PDE1C: variants seen among roughly 807,000 people sequenced by gnomAD.
PDE1C encodes dual specificity calcium/calmodulin-dependent 3',5'-cyclic nucleotide phosphodiesterase 1C.
Under a neutral mutation model 93.1 loss-of-function variants are expected in PDE1C, and 62 were observed. That is an observed-to-expected ratio of 0.67 (90% CI 0.54 to 0.82). The LOEUF is 0.82. Ranked by LOEUF, PDE1C falls within the 40% of genes least tolerant of loss-of-function variation. The pLI is 0.00. For synonymous variants in PDE1C, 325 were observed against 310.1 expected (o/e 1.05, Z -0.50); for missense variants, 742 against 884.6 (o/e 0.84, Z 2.04).
At chr7:32,121,619 T>A (rs1007361575) in intron 3 of PDE1C, among the ~76,000 whole-genome samples, 1 of 152,148 alleles carries the variant, frequency 6.6e-6, no homozygotes, top group Non-Finnish European at 1.5e-5. Context: ...CAGAGTTTCA[T>A]GTCCAGCCAA....
intron 2 of PDE1C, among the ~76,000 whole-genome samples, chr7:31,967,208 G>T (rs549538191): frequency 6.6e-6 from 1 of 152,074 alleles, no homozygotes; most frequent in Non-Finnish European, 1.5e-5. Flanking sequence ...TTGATAGACC[G>T]CTAGCAAGAC....
At chr7:32,076,652 A>C (rs1204867706) in intron 3 of PDE1C, among the ~76,000 whole-genome samples, 1 of 129,708 alleles carries the variant, frequency 7.7e-6, no homozygotes, top group Non-Finnish European at 1.7e-5. Flanking sequence ...CAAAAAAAAA[A>C]AAAAAGAAAA....
the PDE1C span, chr7:31,651,968 G>C: frequency 3.1e-6 from 5 of 1,603,214 alleles, no homozygotes; most frequent in Non-Finnish European, 4.3e-6. Flanking sequence ...CAAACGTTAC[G>C]TGAGGCCCTG....
chr7:32,219,190 G>A (rs1336913976), intron 1 of PDE1C, among the ~76,000 whole-genome samples: 1 of 152,122 alleles, frequency 6.6e-6, no homozygotes, highest in East Asian at 1.9e-4. Flanking sequence ...GGTCCTTTGT[G>A]GCCTGGAGTG....
At chr7:32,316,349 C>T (rs537583202) in intron 1 of PDE1C, among the ~76,000 whole-genome samples, 7 of 152,272 alleles carry the variant, frequency 4.6e-5, no homozygotes, top group African/African-American at 7.2e-5. Context: ...TAAACAAGAA[C>T]GCACATCTGC....
the PDE1C span, among the ~76,000 whole-genome samples, chr7:31,709,279 G>A: frequency 6.6e-6 from 1 of 152,172 alleles, no homozygotes; most frequent in Non-Finnish European, 1.5e-5. Context: ...TCAACTATGT[G>A]ATGCCAAGCA....
At chr7:32,421,551 A>G (rs1358099632) in intron 1 of PDE1C, among the ~76,000 whole-genome samples, 2 of 152,230 alleles carry the variant, frequency 1.3e-5, no homozygotes, top group Non-Finnish European at 2.9e-5. Flanking sequence ...GCTCAGAGAA[A>G]TTAGTGCCTA....
chr7:32,165,650 G>T (rs1299084240), intron 3 of PDE1C, among the ~76,000 whole-genome samples: 1 of 151,988 alleles, frequency 6.6e-6, no homozygotes, highest in Non-Finnish European at 1.5e-5. Flanking sequence ...CAGCATGGGG[G>T]AAATGCCCCC....
At chr7:31,877,898 A>G (rs1796786745) in intron 5 of PDE1C, 72 bp downstream of exon 5, 1 of 965,736 alleles carries the variant, frequency 1.0e-6, no homozygotes, top group Non-Finnish European at 1.6e-6. Flanking sequence ...AAAGCCTCTT[A>G]TTTTCTAACA....
chr7:32,070,780 T>C (rs1795963101), upstream of PDE1C: 2 of 1,009,016 alleles, frequency 2.0e-6, no homozygotes, highest in Non-Finnish European at 2.4e-6. Context: ...GCTAAAGGGT[T>C]TGGAGGTGAA....
chr7:32,179,831 G>A (rs1430874877), intron 2 of PDE1C, among the ~76,000 whole-genome samples: 2 of 152,156 alleles, frequency 1.3e-5, no homozygotes, highest in Admixed American at 1.3e-4. Context: ...AATACTCAAA[G>A]ATTATGCTGG....
chr7:31,742,681 T>C, the PDE1C span, among the ~76,000 whole-genome samples: 1 of 152,182 alleles, frequency 6.6e-6, no homozygotes, highest in Non-Finnish European at 1.5e-5. Flanking sequence ...AAAGTCATGA[T>C]AAATATAGTT....
Position 31,815,920 on chromosome 7 carries a change from T to A in PDE1C, c.1813+4A>T. 6.3e-7 allele frequency: 1 copy of A among 1,593,864 alleles called. No homozygotes were observed. The highest frequency in any genetic ancestry group is 8.6e-7 in the Non-Finnish European group (1 of 1,161,508). ...GAGCCCTTCACCAGTGTAAGTCTAC[T>A]CACCATTCTGTTGCTGTTCTCCTGA... On this transcript the variant is annotated splice_donor_region_variant and intron_variant, in intron 15 of 17. Transcript: ENST00000396191.
chr7:31,694,762 G>T, the PDE1C span, among the ~76,000 whole-genome samples: 1 of 152,058 alleles, frequency 6.6e-6, no homozygotes, highest in Admixed American at 6.5e-5. Context: ...GAATGGGCAG[G>T]GCGTGATCAG....
the PDE1C span, among the ~76,000 whole-genome samples, chr7:31,645,139 A>G: frequency 3.3e-5 from 5 of 152,214 alleles, no homozygotes; most frequent in African/African-American, 1.2e-4. Context: ...TTCAGATTCA[A>G]TTTGGGTAAC....
At chr7:32,322,487 C>A (rs1441556362) in intron 1 of PDE1C, among the ~76,000 whole-genome samples, 1 of 152,154 alleles carries the variant, frequency 6.6e-6, no homozygotes, top group Non-Finnish European at 1.5e-5. Flanking sequence ...ACCTGTAGTC[C>A]CAGCTACTCA....
chr7:31,926,757 C>A (rs766164316), intron 2 of PDE1C, among the ~76,000 whole-genome samples: 41 of 152,170 alleles, frequency 2.7e-4, no homozygotes, highest in Non-Finnish European at 2.4e-4. Context: ...TGCTCTCCAG[C>A]CCAGATGCTA....
At chr7:31,690,748 A>C in the PDE1C span, among the ~76,000 whole-genome samples, 3 of 152,310 alleles carry the variant, frequency 2.0e-5, no homozygotes, top group Admixed American at 2.0e-4. Context: ...TACTAACAGC[A>C]GATAGGACCT....
intron 2 of PDE1C, among the ~76,000 whole-genome samples, chr7:32,174,176 T>A (rs1473908089): frequency 1.3e-5 from 2 of 152,206 alleles, no homozygotes; most frequent in African/African-American, 2.4e-5. Context: ...AACAGCAGCC[T>A]GTTTTCTTAA....
Sources: allele counts gnomAD v4.1 joint callset (sites outside exome capture counted in the v4.1 genomes callset), GRCh38; gene constraint gnomAD v4.1.1; transcripts MANE v1.5; gene names NCBI Gene and HGNC (gene_info 2026-07-23, HGNC 2026-07-21).